Variants in STPG2 observed in about 807,000 individuals in gnomAD.
STPG2 encodes sperm-tail PG-rich repeat-containing protein 2.
In STPG2, 56 loss-of-function variants were observed where a neutral mutation model predicts 54.2. The observed-to-expected ratio is 1.03, with a 90% CI of 0.83 to 1.29. STPG2 has a LOEUF of 1.29. STPG2 is among the 50% of genes most tolerant of loss of function. STPG2 has a pLI of 0.00. For missense variants in STPG2, 596 were observed against 544.9 expected, an observed-to-expected ratio of 1.09 and a Z score of -0.93; for synonymous variants, 200 against 181.8, an observed-to-expected ratio of 1.10 and a Z score of -0.81.
At chr4:97,993,748 C>G (rs1207895374) in intron 5 of STPG2, among the ~76,000 whole-genome samples, 1 of 152,014 alleles carries the variant, frequency 6.6e-6, no homozygotes, top group Non-Finnish European at 1.5e-5. Context: ...TTTTAATTAC[C>G]ATTTCAATCT....
chr4:98,019,244 C>G (rs1009812192), intron 5 of STPG2, among the ~76,000 whole-genome samples: 1 of 151,958 alleles, frequency 6.6e-6, no homozygotes, highest in African/African-American at 2.4e-5. Flanking sequence ...TATGGCTAGC[C>G]AGGTGCCAGC....
intron 2 of STPG2, among the ~76,000 whole-genome samples, chr4:98,130,217 C>T (rs1052583966): frequency 2.6e-5 from 4 of 151,428 alleles, no homozygotes; most frequent in South Asian, 2.1e-4. Context: ...ACTGTGTTGC[C>T]CAGGCTGGAG....
intron 4 of STPG2, among the ~76,000 whole-genome samples, chr4:97,539,301 T>G (rs1437998463): frequency 6.6e-6 from 1 of 151,980 alleles, no homozygotes; most frequent in Non-Finnish European, 1.5e-5. Flanking sequence ...GAAACCCATC[T>G]CACATGCAGA....
At chr4:97,695,663 A>T (rs959687401) in intron 10 of STPG2, among the ~76,000 whole-genome samples, 1 of 152,152 alleles carries the variant, frequency 6.6e-6, no homozygotes, top group East Asian at 1.9e-4. Flanking sequence ...AGGATACTAC[A>T]TCAATGTACA....
intron 9 of STPG2, among the ~76,000 whole-genome samples, chr4:97,834,437 A>G (rs1209523593): frequency 1.3e-5 from 2 of 152,032 alleles, no homozygotes; most frequent in East Asian, 3.9e-4. Flanking sequence ...CTGCAAACCA[A>G]CAGGGCACAA....
At chr4:98,016,019 G>C (rs895862829) in intron 5 of STPG2, among the ~76,000 whole-genome samples, 1 of 152,136 alleles carries the variant, frequency 6.6e-6, no homozygotes, top group African/African-American at 2.4e-5. Flanking sequence ...AGAACACATG[G>C]ACACAGGGAG....
At chr4:97,999,305 A>G (rs926780428) in intron 5 of STPG2, among the ~76,000 whole-genome samples, 12 of 152,216 alleles carry the variant, frequency 7.9e-5, no homozygotes, top group African/African-American at 1.2e-4. Context: ...TTCTAGCACA[A>G]TCCTAGTTAC....
chr4:97,876,947 T>C lies in STPG2; in HGVS notation c.1045-36015A>G, dbSNP rs55893971. ...CATAAAAGATATTGTCCATTTTCAA[T>C]TTATTTTTATTTATTTTAGTTGACA... is the stretch of plus-strand genomic sequence containing the variant. On this transcript the variant is annotated intron_variant, in intron 8 of 10. Transcript: ENST00000295268. Among the ~76,000 whole-genome samples, 974 of 152,208 alleles carry C rather than the reference T, an allele frequency of 6.4e-3. 15 individuals carry two copies. Among genetic ancestry groups the C allele is most frequent in the Non-Finnish European group, 5.4e-3 (370 of 67,990 alleles).
chr4:97,913,357 TAAAG>T (rs1731752215), intron 8 of STPG2, among the ~76,000 whole-genome samples: 1 of 152,106 alleles, frequency 6.6e-6, no homozygotes, highest in African/African-American at 2.4e-5. Context: ...TTAGAGCAAA[TAAAG>T]AAGTTACAAA....
At chr4:97,827,859 C>T (rs751297794) in intron 9 of STPG2, among the ~76,000 whole-genome samples, 24 of 152,070 alleles carry the variant, frequency 1.6e-4, no homozygotes, top group Non-Finnish European at 2.9e-4. Flanking sequence ...TCCAGAGTTG[C>T]TAACCTGTGG....
At chr4:97,698,406 A>T (rs1180044953) in intron 10 of STPG2, among the ~76,000 whole-genome samples, 1 of 152,150 alleles carries the variant, frequency 6.6e-6, no homozygotes, top group Non-Finnish European at 1.5e-5. Flanking sequence ...CGAACACTGT[A>T]ACTCCATTCT....
chr4:97,922,955 T>C (rs1732163341), intron 8 of STPG2, among the ~76,000 whole-genome samples: 1 of 152,254 alleles, frequency 6.6e-6, no homozygotes, highest in African/African-American at 2.4e-5. Flanking sequence ...CCTTTTCCTT[T>C]TCCCCTCTTT....
In STPG2 at chr4:97,711,005, A is replaced by G. The variant is rs1041285044; in HGVS notation, c.1320+1694T>C. Among the ~76,000 whole-genome samples, 14 of 151,742 alleles carry G rather than the reference A, an allele frequency of 9.2e-5. No individual in the cohort carries two copies. In the East Asian group the frequency reaches 2.5e-3, roughly 27 times the overall value. Reference sequence around the variant, plus strand: ...TAATTTTGCATAATAAACATCTATCATAAAGTATAAATATATAATATTAAA... The same window carrying G: ...TAATTTTGCATAATAAACATCTATCGTAAAGTATAAATATATAATATTAAA... On this transcript the variant is annotated intron_variant, in intron 10 of 10. Transcript: ENST00000295268.
At chr4:97,748,420 G>T (rs1725484733) in intron 9 of STPG2, among the ~76,000 whole-genome samples, 1 of 151,486 alleles carries the variant, frequency 6.6e-6, no homozygotes, top group East Asian at 1.9e-4. Flanking sequence ...AAAGAAAATT[G>T]AATAGCTCAC....
intron 8 of STPG2, among the ~76,000 whole-genome samples, chr4:97,871,438 TA>T (rs887115521): frequency 6.6e-6 from 1 of 150,852 alleles, no homozygotes; most frequent in Non-Finnish European, 1.5e-5. Context: ...CATAATTTTT[TA>T]AAAGTAAGGA....
intron 9 of STPG2, among the ~76,000 whole-genome samples, chr4:97,828,503 T>G (rs1464986042): frequency 6.6e-6 from 1 of 152,052 alleles, no homozygotes; most frequent in African/African-American, 2.4e-5. Flanking sequence ...GATTTTTTTT[T>G]TTCCATATCC....
At chr4:97,901,154 T>C (rs933219824) in intron 8 of STPG2, among the ~76,000 whole-genome samples, 3 of 151,944 alleles carry the variant, frequency 2.0e-5, no homozygotes, top group African/African-American at 7.2e-5. Context: ...GACATATTTA[T>C]ATCATTGTGT....
At chr4:97,949,713 A>G (rs1022126771) in intron 7 of STPG2, among the ~76,000 whole-genome samples, 5 of 152,188 alleles carry the variant, frequency 3.3e-5, no homozygotes, top group African/African-American at 1.2e-4. Context: ...ATAGGACCCC[A>G]GTCCCTTCTG....
chr4:97,863,444 T>C (rs989475305), intron 8 of STPG2, among the ~76,000 whole-genome samples: 1 of 151,994 alleles, frequency 6.6e-6, no homozygotes, highest in Non-Finnish European at 1.5e-5. Context: ...CTGAAATTGA[T>C]GCAATAATTA....
Sources: allele counts gnomAD v4.1 joint callset (sites outside exome capture counted in the v4.1 genomes callset), GRCh38; gene constraint gnomAD v4.1.1; transcripts MANE v1.5; gene names NCBI Gene and HGNC (gene_info 2026-07-23, HGNC 2026-07-21).